The following ABTB3 variants were observed in gnomAD, a reference collection of about 807,000 sequenced individuals.
The protein encoded by ABTB3 is ankyrin repeat and BTB domain containing 3.
At chr12:107,478,590 C>T in the ABTB3 span, among the ~76,000 whole-genome samples, 1 of 152,144 alleles carries the variant, frequency 6.6e-6, no homozygotes, top group Admixed American at 6.5e-5. Context: ...GAACCTTTTC[C>T]ATCATGTGAA....
At chr12:107,565,589 C>T in the ABTB3 span, among the ~76,000 whole-genome samples, 1 of 152,214 alleles carries the variant, frequency 6.6e-6, no homozygotes, top group Non-Finnish European at 1.5e-5. Flanking sequence ...CACTCCCCCA[C>T]TTTCCAGCCT....
chr12:107,482,913 C>CTTCTTTCT, the ABTB3 span, among the ~76,000 whole-genome samples: 52 of 118,068 alleles, frequency 4.4e-4, 1 homozygote, highest in African/African-American at 9.7e-4. Flanking sequence ...TCTCTTTCTT[C>CTTCTTTCT]TTCTTTCTTT....
At chr12:107,379,733 A>G in the ABTB3 span, among the ~76,000 whole-genome samples, 2 of 152,188 alleles carry the variant, frequency 1.3e-5, no homozygotes, top group African/African-American at 2.4e-5. Flanking sequence ...GTGCTGGGAC[A>G]GTTGGAAACA....
the ABTB3 span, among the ~76,000 whole-genome samples, chr12:107,631,842 G>A: frequency 6.6e-6 from 1 of 152,200 alleles, no homozygotes; most frequent in African/African-American, 2.4e-5. Context: ...TATTGATGTT[G>A]ACCTGAGCCA....
chr12:107,601,555 G>T, the ABTB3 span, among the ~76,000 whole-genome samples: 1 of 152,304 alleles, frequency 6.6e-6, no homozygotes, highest in East Asian at 1.9e-4. Context: ...GTGCTTCCAA[G>T]CAGCAGCAGC....
At chr12:107,643,940 T>C in the ABTB3 span, among the ~76,000 whole-genome samples, 326 of 152,160 alleles carry the variant, frequency 2.1e-3, 3 homozygotes, top group African/African-American at 7.1e-3. Context: ...ATTTTTGTAC[T>C]TTTTATAGAG....
chr12:107,371,704 T>C, the ABTB3 span, among the ~76,000 whole-genome samples: 1 of 152,218 alleles, frequency 6.6e-6, no homozygotes, highest in Non-Finnish European at 1.5e-5. Context: ...TATATTTTTA[T>C]GTTAAATGTG....
the ABTB3 span, among the ~76,000 whole-genome samples, chr12:107,324,740 C>CA: frequency 0.065 from 9,651 of 149,062 alleles, 422 homozygotes; most frequent in Admixed American, 0.12. Flanking sequence ...AAAGACACAC[C>CA]AAAAAAAAAG....
the ABTB3 span, among the ~76,000 whole-genome samples, chr12:107,344,530 G>T: frequency 6.6e-6 from 1 of 152,198 alleles, no homozygotes; most frequent in Non-Finnish European, 1.5e-5. Context: ...GACATCAGAG[G>T]TCAGGTTTCT....
chr12:107,533,166 C>A, the ABTB3 span, among the ~76,000 whole-genome samples: 1 of 152,094 alleles, frequency 6.6e-6, no homozygotes, highest in Non-Finnish European at 1.5e-5. Flanking sequence ...AACTACCAAA[C>A]TGCAAAGCTA....
the ABTB3 span, among the ~76,000 whole-genome samples, chr12:107,331,050 C>T: frequency 6.6e-6 from 1 of 152,224 alleles, no homozygotes; most frequent in Non-Finnish European, 1.5e-5. Context: ...CTGATTTTCT[C>T]TGGGTGGTAT....
chr12:107,460,564 C>A, the ABTB3 span, among the ~76,000 whole-genome samples: 1 of 152,170 alleles, frequency 6.6e-6, no homozygotes, highest in Non-Finnish European at 1.5e-5. Flanking sequence ...GAGGCTGAGG[C>A]ACAAGAATCG....
the ABTB3 span, among the ~76,000 whole-genome samples, chr12:107,418,496 C>T: frequency 6.6e-6 from 1 of 152,234 alleles, no homozygotes; most frequent in Non-Finnish European, 1.5e-5. Context: ...TGCATCCTGT[C>T]CTCACTCCAG....
chr12:107,520,444 C>T, the ABTB3 span: 2 of 1,595,472 alleles, frequency 1.3e-6, no homozygotes, highest in South Asian at 2.2e-5. Context: ...TGAAAAATAA[C>T]AATCTGTTTT....
chr12:107,480,329 T>C, the ABTB3 span, among the ~76,000 whole-genome samples: 1 of 152,176 alleles, frequency 6.6e-6, no homozygotes, highest in Non-Finnish European at 1.5e-5. Context: ...TGGAATGCTT[T>C]TGAGTAGGGA....
At chr12:107,397,437 T>A in the ABTB3 span, among the ~76,000 whole-genome samples, 1 of 152,112 alleles carries the variant, frequency 6.6e-6, no homozygotes, top group South Asian at 2.1e-4. Context: ...GTTCAAATTC[T>A]TTACCTATTA....
At chr12:107,321,579 C>T in the ABTB3 span, among the ~76,000 whole-genome samples, 2 of 149,842 alleles carry the variant, frequency 1.3e-5, no homozygotes, top group Non-Finnish European at 3.0e-5. Flanking sequence ...GGGCACAACC[C>T]TCAAAGAGAG....
At chr12:107,469,797 A>G in the ABTB3 span, among the ~76,000 whole-genome samples, 2 of 151,934 alleles carry the variant, frequency 1.3e-5, no homozygotes, top group Non-Finnish European at 2.9e-5. Context: ...AAAAATGGCA[A>G]CTTCAAATGG....
the ABTB3 span, among the ~76,000 whole-genome samples, chr12:107,440,652 C>T: frequency 2.0e-5 from 3 of 152,138 alleles, no homozygotes; most frequent in African/African-American, 7.2e-5. Flanking sequence ...GGTCCCATTT[C>T]AACTCCCCAG....
Sources: gnomAD v4.1 joint callset for allele counts (sites outside exome capture counted in the v4.1 genomes callset) on GRCh38, gnomAD v4.1.1 for gene constraint, MANE v1.5 for transcripts, NCBI Gene and HGNC (gene_info 2026-07-23, HGNC 2026-07-21) for gene names.